Variants in APBA2 observed in about 807,000 individuals in gnomAD.
The protein encoded by APBA2 is amyloid beta precursor protein binding family A member 2.
In APBA2, 30 loss-of-function variants were observed where a neutral mutation model predicts 75.0. The observed-to-expected ratio is 0.40, with a 90% CI of 0.30 to 0.54. APBA2 has a LOEUF of 0.54. Among genes scored for constraint, APBA2 ranks in the 20% least tolerant of loss-of-function variants. The pLI, the probability that APBA2 is intolerant of heterozygous loss-of-function variation, is 0.49. For synonymous variants in APBA2, 444 were observed against 409.6 expected (o/e 1.08, Z -1.01); for missense variants, 801 against 1,016.1 (o/e 0.79, Z 2.88).
intron 4 of APBA2, among the ~76,000 whole-genome samples, chr15:29,058,709 G>C (rs1045213877): frequency 2.7e-4 from 41 of 151,688 alleles, no homozygotes; most frequent in African/African-American, 9.9e-4. Flanking sequence ...AAAGGTGATA[G>C]AGTTTCTAAA....
chr15:29,084,667 G>T (rs1456537855), intron 6 of APBA2, among the ~76,000 whole-genome samples: 1 of 152,184 alleles, frequency 6.6e-6, no homozygotes, highest in Non-Finnish European at 1.5e-5. Flanking sequence ...TTTGAATGGG[G>T]ATCCAAACAA....
chr15:29,045,562 C>T (rs980493837), intron 3 of APBA2, among the ~76,000 whole-genome samples: 1 of 152,118 alleles, frequency 6.6e-6, no homozygotes, highest in South Asian at 2.1e-4. Flanking sequence ...GATATCTATT[C>T]AGCTGGGAAA....
chr15:29,116,160 C>T (rs1243976267), intron 14 of APBA2, among the ~76,000 whole-genome samples: 1 of 152,158 alleles, frequency 6.6e-6, no homozygotes, highest in South Asian at 2.1e-4. Context: ...CTCCCTGGGG[C>T]GGTCTGAGGC....
chr15:28,906,984 TG>T lies in APBA2; in HGVS notation c.-204-14654del, dbSNP rs200205054. On this transcript the variant is annotated intron_variant, in intron 1 of 14. Coordinates refer to ENST00000683413, the MANE Select transcript of APBA2 (RefSeq NM_001353788.2). Reference sequence around the variant, plus strand: ...AGACATATTTGGCAATGCAAAAATTTGGAAGTTTTACATTGTTAAATCTATC... The same window carrying T: ...AGACATATTTGGCAATGCAAAAATTTGAAGTTTTACATTGTTAAATCTATC... 9.6e-3 allele frequency among the ~76,000 whole-genome samples: 1,469 copies of T among 152,326 alleles called. 34 individuals are homozygous for T. Among genetic ancestry groups the T allele is most frequent in the African/African-American group, 0.034 (1,394 of 41,566 alleles).
chr15:28,994,618 C>CAGAAGT (rs1458345735), intron 2 of APBA2, among the ~76,000 whole-genome samples: 1 of 152,164 alleles, frequency 6.6e-6, no homozygotes, highest in African/African-American at 2.4e-5. Context: ...ACATGGGGAC[C>CAGAAGT]AGAAGTATCT....
chr15:28,968,502 C>T (rs975722026), intron 2 of APBA2, among the ~76,000 whole-genome samples: 1 of 152,172 alleles, frequency 6.6e-6, no homozygotes, highest in Admixed American at 6.5e-5. Flanking sequence ...CCTCTCTCTC[C>T]TGCACATTGG....
At chr15:28,928,372 G>A (rs2034389060) in intron 2 of APBA2, among the ~76,000 whole-genome samples, 1 of 152,070 alleles carries the variant, frequency 6.6e-6, no homozygotes, top group Non-Finnish European at 1.5e-5. Flanking sequence ...CTGGCTCTGG[G>A]CTTCCCTAAA....
intron 1 of APBA2, among the ~76,000 whole-genome samples, chr15:28,913,535 A>G (rs1375431715): frequency 6.6e-6 from 1 of 152,092 alleles, no homozygotes; most frequent in Non-Finnish European, 1.5e-5. Flanking sequence ...GTGCCTGTCT[A>G]CTTCCTGTAG....
intron 3 of APBA2, among the ~76,000 whole-genome samples, chr15:29,016,341 T>C (rs1359612394): frequency 1.3e-5 from 2 of 152,208 alleles, no homozygotes; most frequent in South Asian, 2.1e-4. Context: ...TCCCCTTTGA[T>C]AGACAAAGCA....
intron 2 of APBA2, among the ~76,000 whole-genome samples, chr15:28,976,768 G>A (rs1283234720): frequency 1.3e-5 from 2 of 152,134 alleles, no homozygotes; most frequent in Non-Finnish European, 2.9e-5. Context: ...AATGAGTTTG[G>A]CCTATAATTT....
chr15:29,103,790 G>C (rs1249391958), intron 10 of APBA2, among the ~76,000 whole-genome samples: 1 of 152,218 alleles, frequency 6.6e-6, no homozygotes, highest in African/African-American at 2.4e-5. Context: ...CTCGTCAGGC[G>C]GAGACAGAAG....
intron 1 of APBA2, among the ~76,000 whole-genome samples, chr15:28,905,961 C>A (rs2033111486): frequency 6.6e-6 from 1 of 152,174 alleles, no homozygotes; most frequent in South Asian, 2.1e-4. Context: ...TTCACCACTG[C>A]CCCATTCAGT....
At chr15:28,909,055 C>T (rs1459554500) in intron 1 of APBA2, among the ~76,000 whole-genome samples, 12 of 149,606 alleles carry the variant, frequency 8.0e-5, no homozygotes, top group South Asian at 2.1e-4. Flanking sequence ...GGTGCAATCT[C>T]GGCTCACAGC....
chr15:29,104,333 G>T (rs1309548800), intron 10 of APBA2, among the ~76,000 whole-genome samples: 1 of 152,210 alleles, frequency 6.6e-6, no homozygotes, highest in African/African-American at 2.4e-5. Flanking sequence ...CCCCGCTGTG[G>T]GCTGAGGCGT....
At chr15:28,993,682 A>T (rs1017125366) in intron 2 of APBA2, among the ~76,000 whole-genome samples, 1 of 152,178 alleles carries the variant, frequency 6.6e-6, no homozygotes, top group African/African-American at 2.4e-5. Context: ...CTTTGTCGGA[A>T]GTCAGTGTGA....
At chr15:28,930,070 G>T (rs926373232) in intron 2 of APBA2, among the ~76,000 whole-genome samples, 1 of 152,190 alleles carries the variant, frequency 6.6e-6, no homozygotes, top group African/African-American at 2.4e-5. Context: ...AAGGAGCTGA[G>T]TTGGGGAGGT....
chr15:29,019,918 C>A (rs1258321375), intron 3 of APBA2, among the ~76,000 whole-genome samples: 1 of 152,256 alleles, frequency 6.6e-6, no homozygotes. Context: ...CAAATGGCTA[C>A]AGAGTGGTTT....
At chr15:28,908,876 G>A (rs928730063) in intron 1 of APBA2, among the ~76,000 whole-genome samples, 5 of 151,924 alleles carry the variant, frequency 3.3e-5, no homozygotes, top group East Asian at 1.9e-4. Context: ...AACCATCACC[G>A]TCATCCATCT....
intron 1 of APBA2, among the ~76,000 whole-genome samples, chr15:28,909,154 T>G (rs2033297877): frequency 1.3e-5 from 2 of 149,060 alleles, no homozygotes; most frequent in South Asian, 4.3e-4. Context: ...GCCTGGCTAA[T>G]TTTTTTTTTG....
Sources: gnomAD v4.1 joint callset for allele counts (sites outside exome capture counted in the v4.1 genomes callset) on GRCh38, gnomAD v4.1.1 for gene constraint, MANE v1.5 for transcripts, NCBI Gene and HGNC (gene_info 2026-07-23, HGNC 2026-07-21) for gene names.